Variants in IRAK2 observed in about 807,000 individuals in gnomAD.
IRAK2 encodes interleukin-1 receptor-associated kinase-like 2.
Under a neutral mutation model 72.0 loss-of-function variants are expected in IRAK2, and 57 were observed. That is an observed-to-expected ratio of 0.79 (90% CI 0.64 to 0.99). The LOEUF is 0.99. Ranked by LOEUF, IRAK2 falls within the 50% of genes least tolerant of loss-of-function variation. IRAK2 has a pLI of 0.00. For missense variants in IRAK2, 790 were observed against 794.4 expected, an observed-to-expected ratio of 0.99 and a Z score of 0.07; for synonymous variants, 293 against 312.7, an observed-to-expected ratio of 0.94 and a Z score of 0.67.
chr3:10,218,851 C>T (rs1317061665), intron 7 of IRAK2, among the ~76,000 whole-genome samples: 1 of 152,164 alleles, frequency 6.6e-6, no homozygotes, highest in Non-Finnish European at 1.5e-5. Context: ...CAAAATTATA[C>T]AGCTAATGCA....
intron 4 of IRAK2, among the ~76,000 whole-genome samples, chr3:10,210,666 C>T (rs776807): frequency 0.092 from 13,993 of 151,726 alleles, 819 homozygotes; most frequent in East Asian, 0.28. Context: ...GTGGGAGGAT[C>T]GCTTGAGCCC....
intron 10 of IRAK2, 25 bp from the exon 11 acceptor site, chr3:10,234,434 G>T (rs746956491): frequency 6.2e-7 from 1 of 1,604,454 alleles, no homozygotes; most frequent in South Asian, 1.1e-5. Context: ...CTCACGCAAG[G>T]GCGTTTCTAC....
intron 11 of IRAK2, among the ~76,000 whole-genome samples, chr3:10,236,485 T>C (rs1354994515): frequency 1.3e-5 from 2 of 151,822 alleles, no homozygotes; most frequent in African/African-American, 4.8e-5. Flanking sequence ...GTAGCTGAGA[T>C]TGCAGGTGTG....
chr3:10,167,191 T>C (rs928120691), intron 1 of IRAK2, among the ~76,000 whole-genome samples: 3 of 152,220 alleles, frequency 2.0e-5, no homozygotes, highest in African/African-American at 7.2e-5. Flanking sequence ...TTCACAGGGC[T>C]GTGTATCCAT....
intron 2 of IRAK2, among the ~76,000 whole-genome samples, chr3:10,189,092 G>A (rs1697132069): frequency 6.6e-6 from 1 of 152,258 alleles, no homozygotes; most frequent in Non-Finnish European, 1.5e-5. Flanking sequence ...CTAACACACA[G>A]ATGCATGTCA....
intron 7 of IRAK2, among the ~76,000 whole-genome samples, chr3:10,217,991 G>A (rs919301087): frequency 6.6e-6 from 1 of 152,190 alleles, no homozygotes; most frequent in Non-Finnish European, 1.5e-5. Flanking sequence ...CTTGCCCAAA[G>A]GAACATAGAG....
chr3:10,189,392 G>C (rs1363386915), intron 2 of IRAK2, among the ~76,000 whole-genome samples: 2 of 152,228 alleles, frequency 1.3e-5, no homozygotes, highest in Non-Finnish European at 2.9e-5. Flanking sequence ...GCTTTCACCG[G>C]AGAGTGAAGG....
At chr3:10,223,702 T>C (rs1049703923) in intron 9 of IRAK2, among the ~76,000 whole-genome samples, 1 of 152,244 alleles carries the variant, frequency 6.6e-6, no homozygotes, top group African/African-American at 2.4e-5. Flanking sequence ...GTTCTCAGAA[T>C]ATCTGTCCTT....
At chr3:10,191,060 C>T (rs534823650) in intron 2 of IRAK2, among the ~76,000 whole-genome samples, 40 of 152,054 alleles carry the variant, frequency 2.6e-4, no homozygotes, top group Non-Finnish European at 4.4e-4. Context: ...TTTGGGAGGC[C>T]GAGGCCGGCG....
At chr3:10,233,466 A>G (rs771455253) in intron 10 of IRAK2, among the ~76,000 whole-genome samples, 11 of 152,308 alleles carry the variant, frequency 7.2e-5, no homozygotes, top group Admixed American at 3.3e-4. Context: ...ATGCTTACAT[A>G]TTTGTATAAA....
At position 10,168,383 on chromosome 3, in the gene IRAK2, G is replaced by T. The variant is rs1321460476; in HGVS notation, c.94+3335G>T. ...GCACCACCGTGCCTGACTAATTTTT[G>T]TATCTTCAGTAGAGACAGGGTTTCA... On this transcript the variant is annotated intron_variant, in intron 1 of 12. Transcript: ENST00000256458. Among the ~76,000 whole-genome samples, 2 of 151,708 alleles carry T rather than the reference G, an allele frequency of 1.3e-5. 1 individual carries two copies. The highest frequency in any genetic ancestry group is 4.2e-4 in the South Asian group (2 of 4,802).
At chr3:10,174,818 C>G (rs1444307859) in intron 1 of IRAK2, among the ~76,000 whole-genome samples, 1 of 152,008 alleles carries the variant, frequency 6.6e-6, no homozygotes, top group African/African-American at 2.4e-5. Flanking sequence ...AACCACTGCA[C>G]CCGGCTGATT....
At chr3:10,173,097 A>G (rs1188389889) in intron 1 of IRAK2, among the ~76,000 whole-genome samples, 2 of 152,098 alleles carry the variant, frequency 1.3e-5, no homozygotes, top group Non-Finnish European at 1.5e-5. Context: ...CATAGAACTC[A>G]TCTAATCCTT....
intron 2 of IRAK2, among the ~76,000 whole-genome samples, chr3:10,182,284 T>C (rs1383845084): frequency 3.1e-5 from 4 of 128,762 alleles, no homozygotes; most frequent in Non-Finnish European, 5.2e-5. Flanking sequence ...ATTTTCTTTT[T>C]TTCTTTTTTT....
intron 4 of IRAK2, among the ~76,000 whole-genome samples, chr3:10,211,368 C>A (rs1239294996): frequency 1.3e-5 from 2 of 151,828 alleles, no homozygotes; most frequent in Non-Finnish European, 2.9e-5. Context: ...TCTTGAACTC[C>A]TGGCCTCAGA....
At chr3:10,182,426 G>A (rs1189264662) in intron 2 of IRAK2, among the ~76,000 whole-genome samples, 4 of 151,904 alleles carry the variant, frequency 2.6e-5, no homozygotes, top group African/African-American at 7.3e-5. Context: ...GGGACTACAG[G>A]TGCCCGCCAC....
intron 2 of IRAK2, among the ~76,000 whole-genome samples, chr3:10,189,587 G>T (rs567282266): frequency 6.6e-6 from 1 of 152,342 alleles, no homozygotes; most frequent in Non-Finnish European, 1.5e-5. Flanking sequence ...TCTACCTGAA[G>T]TCTTGAGTTT....
chr3:10,214,009 A>G (rs1257946761), intron 6 of IRAK2, among the ~76,000 whole-genome samples: 8 of 151,384 alleles, frequency 5.3e-5, no homozygotes, highest in Admixed American at 5.3e-4. Context: ...GCTCACTGCA[A>G]TCTCTGCCTA....
At chr3:10,242,077 C>T (rs1239945370) in intron 12 of IRAK2, 39 bp from the exon 13 acceptor site, 1 of 1,174,444 alleles carries the variant, frequency 8.5e-7, no homozygotes, top group Non-Finnish European at 1.3e-6. Flanking sequence ...TAGTAACTTT[C>T]ATTCAAGTCG....
Sources: gnomAD v4.1 joint callset for allele counts (sites outside exome capture counted in the v4.1 genomes callset) on GRCh38, gnomAD v4.1.1 for gene constraint, MANE v1.5 for transcripts, NCBI Gene and HGNC (gene_info 2026-07-23, HGNC 2026-07-21) for gene names.